The following NAP1L1 variants were observed in gnomAD, a reference collection of about 807,000 sequenced individuals.
NAP1L1 encodes nucleosome assembly protein 1-like 1.
A neutral mutation model predicts 58.9 loss-of-function variants in NAP1L1; 9 were observed. The observed-to-expected ratio is 0.15, with a 90% CI of 0.09 to 0.27. The LOEUF (loss-of-function observed/expected upper bound fraction) is 0.27. NAP1L1 is among the 10% of genes least tolerant of loss of function. The pLI is 1.00. For synonymous variants in NAP1L1, 130 were observed against 138.3 expected, an observed-to-expected ratio of 0.94 and a Z score of 0.42; for missense variants, 302 against 458.8, an observed-to-expected ratio of 0.66 and a Z score of 3.12.
chr12:76,057,735 A>C, intron 6 of NAP1L1: 2 of 1,549,014 alleles, frequency 1.3e-6, no homozygotes, highest in Non-Finnish European at 1.7e-6. Context: ...ATGAATATGC[A>C]AAACTTACTG....
chr12:76,062,833 C>G (rs1394271401), intron 4 of NAP1L1, among the ~76,000 whole-genome samples: 2 of 152,120 alleles, frequency 1.3e-5, no homozygotes, highest in Non-Finnish European at 2.9e-5. Flanking sequence ...ATATAAAAAT[C>G]CTTACTCTGC....
intron 2 of NAP1L1, among the ~76,000 whole-genome samples, chr12:76,073,494 A>C (rs1950052506): frequency 1.8e-5 from 1 of 54,314 alleles, no homozygotes; most frequent in Non-Finnish European, 4.1e-5. Flanking sequence ...ACTTCTCCAC[A>C]ATAAGTCTTT....
intron 4 of NAP1L1, among the ~76,000 whole-genome samples, chr12:76,065,974 G>A (rs1208363279): frequency 6.6e-6 from 1 of 150,836 alleles, no homozygotes; most frequent in Non-Finnish European, 1.5e-5. Context: ...ACAAACACGG[G>A]TGTTTACAAC....
chr12:76,063,845 A>G (rs1003119217), intron 4 of NAP1L1, among the ~76,000 whole-genome samples: 2 of 150,762 alleles, frequency 1.3e-5, no homozygotes, highest in African/African-American at 2.4e-5. Flanking sequence ...ACACAGATGA[A>G]AAGATGGAAA....
At chr12:76,081,141 C>T (rs372474593) in intron 1 of NAP1L1, among the ~76,000 whole-genome samples, 19 of 152,132 alleles carry the variant, frequency 1.2e-4, no homozygotes, top group Admixed American at 7.9e-4. Flanking sequence ...AACTAATATT[C>T]ATGCTGATTT....
chr12:76,047,738 C>T lies in NAP1L1; in HGVS notation c.*691G>A, dbSNP rs1233778115. On this transcript the variant is annotated 3_prime_UTR_variant, in exon 15 of 15. Transcript: ENST00000618691. ...TAGACCCTACCACAAAGAAAAGATG[C>T]TTAGTTAATGGAGGTTAAATTTAAA... 1 of 151,994 alleles carries T rather than the reference C, an allele frequency of 6.6e-6. No homozygotes were observed. Among genetic ancestry groups the T allele is most frequent in the Non-Finnish European group, 1.5e-5 (1 of 67,930 alleles). The allele number at this position is 151,994 out of a possible 1,614,324, so 9.4% of individuals were successfully genotyped here.
Position 76,038,893 on chromosome 12 carries a change from T to C in NAP1L1, c.*9536A>G, listed in dbSNP as rs1948525351. The C allele has an allele frequency of 6.6e-6, 1 of 152,130 alleles. No homozygotes were observed. The highest frequency in any genetic ancestry group is 2.4e-5 in the African/African-American group (1 of 41,424). The allele number at this position is 152,130 out of a possible 1,614,324, so 9.4% of individuals were successfully genotyped here. A position where few individuals can be genotyped will look rare whatever the true frequency, so the allele number is the denominator to read the frequency against. ...AGTTTTTGTTTCTAATGAGATTTCA[T>C]TTACACTTTTAAGTCATTGTCTCAA... is the stretch of plus-strand genomic sequence containing the variant. On this transcript the variant is annotated 3_prime_UTR_variant, in exon 15 of 15. Transcript: ENST00000618691.
chr12:76,078,556 C>G (rs539322633), intron 1 of NAP1L1, among the ~76,000 whole-genome samples: 3 of 152,228 alleles, frequency 2.0e-5, no homozygotes, highest in African/African-American at 7.2e-5. Flanking sequence ...ACATAGTAAG[C>G]CTGGTTGTCT....
chr12:76,051,906 C>G (rs898825019), intron 11 of NAP1L1, among the ~76,000 whole-genome samples: 2 of 151,804 alleles, frequency 1.3e-5, no homozygotes, highest in Non-Finnish European at 2.9e-5. Flanking sequence ...CCCAGCTACT[C>G]GGGAGGCTGA....
intron 6 of NAP1L1, chr12:76,056,933 C>T (rs1949131001): frequency 3.9e-6 from 1 of 255,916 alleles, no homozygotes; most frequent in Non-Finnish European, 7.9e-6. Flanking sequence ...ATTGCTTGAA[C>T]CCAGGAGGTG....
intron 2 of NAP1L1, among the ~76,000 whole-genome samples, chr12:76,069,202 G>A (rs1263079805): frequency 1.3e-5 from 2 of 152,212 alleles, no homozygotes; most frequent in Admixed American, 1.3e-4. Flanking sequence ...CTGGTCAAAT[G>A]TAAAGTTTAT....
intron 6 of NAP1L1, chr12:76,057,224 G>A (rs1949151094): frequency 4.2e-6 from 1 of 235,864 alleles, no homozygotes; most frequent in South Asian, 5.8e-5. Flanking sequence ...GCCCAGGAAT[G>A]AGCTGCAGTG....
At chr12:76,075,669 G>T (rs1950144729) in intron 1 of NAP1L1, among the ~76,000 whole-genome samples, 2 of 152,130 alleles carry the variant, frequency 1.3e-5, no homozygotes, top group Admixed American at 6.6e-5. Context: ...TAGCAATTAT[G>T]AATATTAATC....
intron 4 of NAP1L1, among the ~76,000 whole-genome samples, chr12:76,063,999 C>T (rs751207470): frequency 6.0e-5 from 9 of 150,992 alleles, no homozygotes; most frequent in Non-Finnish European, 8.8e-5. Flanking sequence ...CATAGGGAGA[C>T]CCCCATCTCT....
At chr12:76,075,475 C>T (rs552511205) in intron 1 of NAP1L1, among the ~76,000 whole-genome samples, 100 of 152,220 alleles carry the variant, frequency 6.6e-4, no homozygotes, top group South Asian at 1.9e-3. Flanking sequence ...CAGTTAAGTG[C>T]TAATATTTGG....
chr12:76,080,295 C>A (rs1263568585), intron 1 of NAP1L1, among the ~76,000 whole-genome samples: 1 of 152,080 alleles, frequency 6.6e-6, no homozygotes, highest in Non-Finnish European at 1.5e-5. Context: ...ATGGCACTTA[C>A]AATTATTTAC....
chr12:76,053,033 A>G (rs1948914078), intron 11 of NAP1L1, 58 bp downstream of exon 11: 1 of 1,514,902 alleles, frequency 6.6e-7, no homozygotes, highest in African/African-American at 1.4e-5. Context: ...TTTGAAATTC[A>G]GTGCTTTAAT....
rs180771871 is a variant in NAP1L1 at position 76,064,095 on chromosome 12, T to C, written c.206+3276A>G. Among the ~76,000 whole-genome samples the C allele has an allele frequency of 6.6e-5, 10 of 152,160 alleles. No homozygotes were observed. The South Asian group carries it at 1.0e-3, about 16-fold the overall frequency. On this transcript the variant is annotated intron_variant, in intron 4 of 14. Coordinates refer to ENST00000618691, the MANE Select transcript of NAP1L1 (RefSeq NM_004537.7). ...GAGGTGGGAGGATCACAGTGAGCCA[T>C]GAGTGTGCCACTGTACTCCAGAGTG...
At position 76,042,774 on chromosome 12, in the gene NAP1L1, T is replaced by C. The variant is rs1442186842; in HGVS notation, c.*5655A>G. On this transcript the variant is annotated 3_prime_UTR_variant, in exon 15 of 15. Coordinates refer to ENST00000618691, the MANE Select transcript of NAP1L1 (RefSeq NM_004537.7). ...CAGCAACTGGACTTAAGTTTCTAAG[T>C]AATACTCCCTATTCTAAGAAGCCAG... is the stretch of plus-strand genomic sequence containing the variant. 6.6e-6 allele frequency: 1 copy of C among 152,176 alleles called. No individual in the cohort carries two copies. The highest frequency in any genetic ancestry group is 1.9e-4 in the East Asian group (1 of 5,190). The allele number at this position is 152,176 out of a possible 1,614,324, so 9.4% of individuals were successfully genotyped here. A position where few individuals can be genotyped will look rare whatever the true frequency, so the allele number is the denominator to read the frequency against.
Sources: gnomAD v4.1 joint callset for allele counts (sites outside exome capture counted in the v4.1 genomes callset) on GRCh38, gnomAD v4.1.1 for gene constraint, MANE v1.5 for transcripts, NCBI Gene and HGNC (gene_info 2026-07-23, HGNC 2026-07-21) for gene names.